ADAM12: variants seen among roughly 807,000 people sequenced by gnomAD.
ADAM12 encodes the protein ADAM metallopeptidase domain 12.
A neutral mutation model predicts 106.4 loss-of-function variants in ADAM12; 70 were observed. The observed-to-expected ratio is 0.66, with a 90% CI of 0.54 to 0.80. The LOEUF (loss-of-function observed/expected upper bound fraction) is 0.80, where lower values mean the gene tolerates loss of function less well. ADAM12 is among the 30% of genes least tolerant of loss of function. The pLI, the probability that ADAM12 is intolerant of heterozygous loss-of-function variation, is 0.00. For missense variants in ADAM12, 1,010 were observed against 1,171.9 expected, an observed-to-expected ratio of 0.86 and a Z score of 2.02; for synonymous variants, 420 against 433.5, an observed-to-expected ratio of 0.97 and a Z score of 0.39.
intron 7 of ADAM12, 67 bp downstream of exon 7, chr10:126,109,708 T>G (rs1420317459): frequency 8.3e-6 from 12 of 1,451,342 alleles, no homozygotes; most frequent in Non-Finnish European, 1.0e-5. Flanking sequence ...AGTAATAACT[T>G]GCAAAACATG....
At chr10:126,106,913 A>G (rs1402807009) in intron 8 of ADAM12, among the ~76,000 whole-genome samples, 1 of 152,028 alleles carries the variant, frequency 6.6e-6, no homozygotes, top group African/African-American at 2.4e-5. Flanking sequence ...AAAAACATTC[A>G]CCTAGCTCTC....
intron 11 of ADAM12, among the ~76,000 whole-genome samples, chr10:126,086,205 A>G (rs1955337399): frequency 6.6e-6 from 1 of 152,088 alleles, no homozygotes; most frequent in African/African-American, 2.4e-5. Context: ...TTGCACAGGG[A>G]CATGGCTCTG....
At chr10:126,350,917 C>T (rs1262210716) in intron 1 of ADAM12, among the ~76,000 whole-genome samples, 1 of 152,192 alleles carries the variant, frequency 6.6e-6, no homozygotes, top group African/African-American at 2.4e-5. Context: ...TGCTGCCGAC[C>T]CCCGGAGCCC....
chr10:126,098,969 A>C (rs1244216052), intron 9 of ADAM12, among the ~76,000 whole-genome samples: 1 of 152,232 alleles, frequency 6.6e-6, no homozygotes, highest in Non-Finnish European at 1.5e-5. Context: ...TTGTCCCGCT[A>C]AGATAGCTTG....
chr10:126,219,370 T>A (rs77008088), intron 3 of ADAM12, among the ~76,000 whole-genome samples: 2 of 152,156 alleles, frequency 1.3e-5, no homozygotes, highest in Non-Finnish European at 2.9e-5. Flanking sequence ...CAGGCCCCCA[T>A]GCCTTTTCTC....
At chr10:126,073,876 A>G (rs1955048718) in intron 11 of ADAM12, among the ~76,000 whole-genome samples, 1 of 152,254 alleles carries the variant, frequency 6.6e-6, no homozygotes, top group African/African-American at 2.4e-5. Context: ...GGTTCAAACA[A>G]TGATTCACAA....
rs200317403 is a variant in ADAM12 at position 126,338,246 on chromosome 10, A to ATTTTTT, written c.89-7743_89-7738dup. 7.4e-3 allele frequency among the ~76,000 whole-genome samples: 663 copies of ATTTTTT among 89,826 alleles called. 52 individuals are homozygous for ATTTTTT. The highest frequency in any genetic ancestry group is 0.037 in the Admixed American group (241 of 6,536). 58.9% of individuals were successfully genotyped at this position (89,826 alleles called of 152,430 possible). A position where few individuals can be genotyped will look rare whatever the true frequency, so the allele number is the denominator to read the frequency against. ...AAAGTCACTTACAACAGTAACTTAC[A>ATTTTTT]TTTTTTTTTTTTTTTTTTTTTTTTG... is the stretch of plus-strand genomic sequence containing the variant. On this transcript the variant is annotated intron_variant, in intron 1 of 22. Transcript: ENST00000448723.
chr10:126,207,031 C>T lies in ADAM12; in HGVS notation c.261-51726G>A, dbSNP rs182548480. Among the ~76,000 whole-genome samples, 374 of 152,260 alleles carry T rather than the reference C, an allele frequency of 2.5e-3. 1 individual carries two copies. The highest frequency in any genetic ancestry group is 4.3e-3 in the Non-Finnish European group (291 of 68,024). ...CATGTGAGATGTGCCTTTCACCGTCCGCCATGATTGTGTGGCCTCCCCAGC... is the reference window on the plus strand; with the variant it reads ...CATGTGAGATGTGCCTTTCACCGTCTGCCATGATTGTGTGGCCTCCCCAGC... On this transcript the variant is annotated intron_variant, in intron 3 of 22. Transcript: ENST00000448723.
intron 10 of ADAM12, among the ~76,000 whole-genome samples, chr10:126,096,196 G>A (rs1014764453): frequency 2.0e-5 from 3 of 152,224 alleles, no homozygotes; most frequent in African/African-American, 7.2e-5. Flanking sequence ...CATAGGGGCT[G>A]AAGTTACCAT....
chr10:126,038,382 G>A (rs372849392), intron 19 of ADAM12, 33 bp from the exon 20 acceptor site: 49 of 1,488,586 alleles, frequency 3.3e-5, no homozygotes, highest in East Asian at 3.1e-4. Context: ...CTGACCAAGC[G>A]TGTTTCCCCT....
intron 22 of ADAM12, 25 bp from the exon 23 acceptor site, chr10:126,017,364 AATG>A (rs1451309040): frequency 1.9e-6 from 3 of 1,557,656 alleles, no homozygotes; most frequent in African/African-American, 1.4e-5. Context: ...GAGAAAAAAA[AATG>A]ATCAGAGACC....
chr10:126,284,374 C>T (rs919458360), intron 2 of ADAM12, among the ~76,000 whole-genome samples: 2 of 150,076 alleles, frequency 1.3e-5, no homozygotes, highest in East Asian at 3.9e-4. Flanking sequence ...ATCCTTCCAC[C>T]GTATCTGTAG....
Position 126,049,801 on chromosome 10 carries a change from G to T in ADAM12, c.1610-132C>A, listed in dbSNP as rs1954429504. The T allele has an allele frequency of 1.2e-6, 1 of 800,012 alleles. No individual in the cohort carries two copies. The highest frequency in any genetic ancestry group is 2.0e-6 in the Non-Finnish European group (1 of 509,646). 49.6% of individuals were successfully genotyped at this position (800,012 alleles called of 1,614,324 possible). ...CACCCAGTGTCTGTCCCGACTCATG[G>T]TGGGAGCTGGCCAGGGGAAGCCTAG... On this transcript the variant is annotated intron_variant, in intron 14 of 22. Coordinates refer to ENST00000448723, the MANE Select transcript of ADAM12 (RefSeq NM_001288973.2). The surrounding 1 kb of genome is among the most constrained non-coding windows in gnomAD (Gnocchi z 4.4).
chr10:126,178,348 G>GA (rs1841559924), intron 3 of ADAM12, among the ~76,000 whole-genome samples: 1 of 150,178 alleles, frequency 6.7e-6, no homozygotes, highest in Non-Finnish European at 1.5e-5. Flanking sequence ...AAACAGGTAG[G>GA]AAAATCGAGA....
rs980382169 is a variant in ADAM12, at chr10:126,279,140, G to T, written c.187-152C>A. ...TGCCATCACAATGCAGTGTATAAATGAAGGTTTCTTAGCAGCTTAAAAAGA... is the reference window on the plus strand; with the variant it reads ...TGCCATCACAATGCAGTGTATAAATTAAGGTTTCTTAGCAGCTTAAAAAGA... On this transcript the variant is annotated intron_variant, in intron 2 of 22. Transcript: ENST00000448723. The T allele has an allele frequency of 7.5e-5, 47 of 623,790 alleles. No individual in the cohort carries two copies. The African/African-American group carries it at 8.5e-4, about 11-fold the overall frequency. 38.6% of individuals were successfully genotyped at this position (623,790 alleles called of 1,614,324 possible).
At chr10:126,305,017 T>C (rs1320053352) in intron 2 of ADAM12, among the ~76,000 whole-genome samples, 1 of 152,030 alleles carries the variant, frequency 6.6e-6, no homozygotes, top group African/African-American at 2.4e-5. Context: ...AGAACACATA[T>C]ATATTTCTGG....
chr10:126,117,985 C>T lies in ADAM12; in HGVS notation c.603+53G>A, dbSNP rs57406840. 5,228 of 1,585,298 alleles carry T rather than the reference C, an allele frequency of 3.3e-3. 154 individuals carry two copies. In the African/African-American group the frequency reaches 0.063, roughly 19 times the overall value. On this transcript the variant is annotated intron_variant, in intron 6 of 22. Coordinates refer to ENST00000448723, the MANE Select transcript of ADAM12 (RefSeq NM_001288973.2). The stretch of plus-strand genomic sequence containing the variant: ...TCCAGATGTCCTAGTGTGGGGTATC[C>T]GTAGCTTGAGCTCCTAGCTTTCCAG...
chr10:126,211,602 T>A (rs1957902198), intron 3 of ADAM12, among the ~76,000 whole-genome samples: 1 of 151,890 alleles, frequency 6.6e-6, no homozygotes, highest in Non-Finnish European at 1.5e-5. Context: ...TCCTGGACCC[T>A]CCAGTAGTCA....
chr10:126,307,154 T>C (rs985559708), intron 2 of ADAM12, among the ~76,000 whole-genome samples: 6 of 152,226 alleles, frequency 3.9e-5, no homozygotes, highest in African/African-American at 1.4e-4. Flanking sequence ...TAGATATTGA[T>C]CATATTATTC....
Sources: allele counts gnomAD v4.1 joint callset (sites outside exome capture counted in the v4.1 genomes callset), GRCh38; gene constraint gnomAD v4.1.1; non-coding constraint Gnocchi (gnomAD v3.1); transcripts MANE v1.5; gene names NCBI Gene and HGNC (gene_info 2026-07-23, HGNC 2026-07-21).